The following PICALM variants were observed in gnomAD, a reference collection of about 807,000 sequenced individuals.
PICALM encodes phosphatidylinositol-binding clathrin assembly protein.
PICALM carries 40 observed loss-of-function variants against 80.5 expected under a neutral mutation model. The observed-to-expected ratio is 0.50, with a 90% CI of 0.39 to 0.65. The LOEUF (loss-of-function observed/expected upper bound fraction) is 0.65. Ranked by LOEUF, PICALM falls within the 30% of genes least tolerant of loss-of-function variation. PICALM has a pLI of 0.00. For synonymous variants in PICALM, 288 were observed against 260.3 expected, an observed-to-expected ratio of 1.11 and a Z score of -1.02; for missense variants, 676 against 778.9, an observed-to-expected ratio of 0.87 and a Z score of 1.57.
chr11:86,053,990 C>T (rs1359272159), intron 1 of PICALM, among the ~76,000 whole-genome samples: 1 of 152,226 alleles, frequency 6.6e-6, no homozygotes, highest in Non-Finnish European at 1.5e-5. Flanking sequence ...TTCTTACTGA[C>T]TTCAAACTGA....
chr11:85,994,805 G>T (rs1242286731), intron 12 of PICALM, among the ~76,000 whole-genome samples: 1 of 152,194 alleles, frequency 6.6e-6, no homozygotes, highest in African/African-American at 2.4e-5. Flanking sequence ...CGGGGTTCAA[G>T]TGATTCTCAT....
chr11:86,034,340 C>G (rs181559054), intron 1 of PICALM, among the ~76,000 whole-genome samples: 119 of 152,180 alleles, frequency 7.8e-4, no homozygotes, highest in African/African-American at 2.8e-3. Context: ...TTAATAGTAC[C>G]CTGAAAATGC....
intron 1 of PICALM, among the ~76,000 whole-genome samples, chr11:86,056,924 A>G (rs547800616): frequency 6.6e-6 from 1 of 152,208 alleles, no homozygotes; most frequent in Non-Finnish European, 1.5e-5. Context: ...AAAAGGCCAC[A>G]TATTGTATGA....
intron 1 of PICALM, among the ~76,000 whole-genome samples, chr11:86,048,905 T>A (rs1482240759): frequency 6.6e-6 from 1 of 151,738 alleles, no homozygotes; most frequent in African/African-American, 2.4e-5. Context: ...AAACAGCTGG[T>A]TTTACTTCAA....
chr11:85,989,579 T>C (rs1262275886), intron 13 of PICALM, among the ~76,000 whole-genome samples: 4 of 152,186 alleles, frequency 2.6e-5, no homozygotes, highest in African/African-American at 9.6e-5. Context: ...AGCTTCAGCA[T>C]ATACTTTAAA....
chr11:86,049,636 T>C (rs1274878057), intron 1 of PICALM, among the ~76,000 whole-genome samples: 2 of 151,704 alleles, frequency 1.3e-5, no homozygotes, highest in East Asian at 4.0e-4. Context: ...TTTCATCATA[T>C]TGGCCAGGCT....
intron 7 of PICALM, among the ~76,000 whole-genome samples, chr11:86,008,338 A>G (rs2095320766): frequency 6.6e-6 from 1 of 152,124 alleles, no homozygotes; most frequent in African/African-American, 2.4e-5. Context: ...AAATCTGATA[A>G]AGGCCAGATA....
intron 19 of PICALM, among the ~76,000 whole-genome samples, chr11:85,970,725 C>T (rs1396208739): frequency 2.6e-5 from 4 of 152,142 alleles, no homozygotes. Flanking sequence ...GGAGGTTTAA[C>T]ACAGGAGGCA....
chr11:86,018,306 A>C (rs1565431093), intron 4 of PICALM, among the ~76,000 whole-genome samples: 1 of 152,238 alleles, frequency 6.6e-6, no homozygotes, highest in Non-Finnish European at 1.5e-5. Flanking sequence ...ATCAACTAAT[A>C]TAAAATGAAC....
chr11:86,040,288 G>A (rs762460895), intron 1 of PICALM, among the ~76,000 whole-genome samples: 2 of 152,062 alleles, frequency 1.3e-5, no homozygotes, highest in East Asian at 1.9e-4. Flanking sequence ...CATGTGGTGA[G>A]GTATGTATGA....
chr11:86,048,796 T>G (rs890790995), intron 1 of PICALM, among the ~76,000 whole-genome samples: 1 of 138,460 alleles, frequency 7.2e-6, no homozygotes, highest in African/African-American at 2.8e-5. Context: ...ATAGCACCAC[T>G]GCACTTCAGC....
intron 1 of PICALM, among the ~76,000 whole-genome samples, chr11:86,067,253 T>A (rs754280279): frequency 1.1e-4 from 17 of 152,226 alleles, no homozygotes; most frequent in Admixed American, 2.0e-4. Context: ...GAATTATCTT[T>A]CAGGGCATGC....
chr11:86,037,007 G>C (rs557034868), intron 1 of PICALM, among the ~76,000 whole-genome samples: 2 of 151,240 alleles, frequency 1.3e-5, no homozygotes, highest in African/African-American at 4.9e-5. Context: ...AGTGCATGGC[G>C]TGATCTCGGC....
Position 86,031,617 on chromosome 11 carries a change from AT to A in PICALM, c.131-7del. ...ATTTGTGCACTGAATTAAGTCTGCA[AT>A]AAAAAATTTTTAAATGATTAATTTC... On this transcript the variant is annotated splice_region_variant and splice_polypyrimidine_tract_variant and intron_variant, in intron 1 of 19. Transcript: ENST00000393346. The A allele has an allele frequency of 6.3e-7, 1 of 1,591,422 alleles. No individual in the cohort carries two copies. The highest frequency in any genetic ancestry group is 8.5e-7 in the Non-Finnish European group (1 of 1,172,496).
rs2093595177 is a variant in PICALM, at chr11:85,958,922, G to A, written c.*124C>T. On this transcript the variant is annotated 3_prime_UTR_variant, in exon 20 of 20. Transcript: ENST00000393346. ...ATGGGCCTTCACTGAGTTACTTGTA[G>A]CATTCTAATGGAAGAAGAGAGTTTA... is the stretch of plus-strand genomic sequence containing the variant. 1 of 639,414 alleles carries A rather than the reference G, an allele frequency of 1.6e-6. No individual in the cohort carries two copies. The highest frequency in any genetic ancestry group is 2.8e-5 in the Admixed American group (1 of 35,664). 39.6% of individuals were successfully genotyped at this position (639,414 alleles called of 1,614,324 possible).
At chr11:86,009,648 C>T (rs927085017) in intron 7 of PICALM, among the ~76,000 whole-genome samples, 19 of 151,326 alleles carry the variant, frequency 1.3e-4, no homozygotes, top group African/African-American at 3.7e-4. Flanking sequence ...GCCAAGATTG[C>T]GCCATTGCAC....
At chr11:86,059,364 T>A (rs1402319318) in intron 1 of PICALM, among the ~76,000 whole-genome samples, 1 of 152,210 alleles carries the variant, frequency 6.6e-6, no homozygotes, top group African/African-American at 2.4e-5. Context: ...AAAAGCAAGA[T>A]AGCCACTACA....
At chr11:85,985,761 C>A (rs991267403) in intron 13 of PICALM, among the ~76,000 whole-genome samples, 1 of 152,176 alleles carries the variant, frequency 6.6e-6, no homozygotes, top group African/African-American at 2.4e-5. Flanking sequence ...GTAAGTAGTA[C>A]AAACAATGTT....
intron 1 of PICALM, among the ~76,000 whole-genome samples, chr11:86,037,604 C>T (rs1381516359): frequency 6.7e-6 from 1 of 150,162 alleles, no homozygotes; most frequent in Non-Finnish European, 1.5e-5. Context: ...GAGGTTGAGG[C>T]GGGAAGATAG....
Sources: gnomAD v4.1 joint callset for allele counts (sites outside exome capture counted in the v4.1 genomes callset) on GRCh38, gnomAD v4.1.1 for gene constraint, MANE v1.5 for transcripts, NCBI Gene and HGNC (gene_info 2026-07-23, HGNC 2026-07-21) for gene names.